The following BTNL8 variants were observed in gnomAD, a reference collection of about 807,000 sequenced individuals.
The protein encoded by BTNL8 is butyrophilin like 8, also known as butyrophilin-like protein 8.
Under a neutral mutation model 36.1 loss-of-function variants are expected in BTNL8, and 22 were observed. The ratio of observed to expected loss-of-function variants is 0.61; its 90% CI spans 0.44 to 0.87. The LOEUF (loss-of-function observed/expected upper bound fraction) is 0.87. Among genes scored for constraint, BTNL8 ranks in the 40% least tolerant of loss-of-function variants. BTNL8 has a pLI of 0.00. For missense variants in BTNL8, 526 were observed against 616.9 expected (o/e 0.85, Z 1.56); for synonymous variants, 203 against 235.6 (o/e 0.86, Z 1.27).
chr5:180,931,203 A>T (rs1478762491), intron 3 of BTNL8, among the ~76,000 whole-genome samples: 1 of 152,232 alleles, frequency 6.6e-6, no homozygotes, highest in Non-Finnish European at 1.5e-5. Context: ...AAAATAAGCA[A>T]TGGGGGAAGG....
chr5:180,914,217 G>A (rs184972142), intron 3 of BTNL8, among the ~76,000 whole-genome samples: 1 of 152,138 alleles, frequency 6.6e-6, no homozygotes, highest in South Asian at 2.1e-4. Context: ...CCTTATAAAA[G>A]GATTTAAGGG....
intron 3 of BTNL8, among the ~76,000 whole-genome samples, chr5:180,932,896 T>C (rs937057625): frequency 2.0e-5 from 3 of 152,154 alleles, no homozygotes; most frequent in Non-Finnish European, 4.4e-5. Context: ...TGAATGTATT[T>C]TTAAAATCAA....
intron 3 of BTNL8, among the ~76,000 whole-genome samples, chr5:180,943,248 C>A (rs1305047191): frequency 6.7e-6 from 1 of 149,852 alleles, no homozygotes; most frequent in Non-Finnish European, 1.5e-5. Context: ...GATTCTCCTG[C>A]CTCAGCCTCC....
At chr5:180,932,668 A>T (rs1451454590) in intron 3 of BTNL8, among the ~76,000 whole-genome samples, 1 of 152,214 alleles carries the variant, frequency 6.6e-6, no homozygotes, top group African/African-American at 2.4e-5. Context: ...TATAATTTTT[A>T]AAAAGCCACA....
chr5:180,901,304 A>G, intron 1 of BTNL8, among the ~76,000 whole-genome samples: 1 of 152,222 alleles, frequency 6.6e-6, no homozygotes, highest in Admixed American at 6.5e-5. Context: ...CAGCACACAC[A>G]GGTATATCCA....
chr5:180,945,618 A>G (rs1344946436), intron 3 of BTNL8: 1 of 238,226 alleles, frequency 4.2e-6, no homozygotes, highest in Non-Finnish European at 9.0e-6. Flanking sequence ...CAATAGAAAG[A>G]AAACAAATAA....
In BTNL8 at chr5:180,911,426, G is replaced by C. The variant is rs146970792; in HGVS notation, c.485G>C (p.Arg162Pro). 1 of 1,614,154 alleles carries C rather than the reference G, an allele frequency of 6.2e-7. No individual in the cohort carries two copies. The highest frequency in any genetic ancestry group is 1.7e-5 in the Admixed American group (1 of 60,014). Reference sequence around the variant, plus strand: ...TGTCAGTCCTCGGGCTGGTTCCCCCGGCCCACAGCGAAGTGGAAAGGTCCA... The same window carrying C: ...TGTCAGTCCTCGGGCTGGTTCCCCCCGCCCACAGCGAAGTGGAAAGGTCCA... ...LLCQSSGWFPRPTAKWKGPQG... is the reference protein window; with the variant it reads ...LLCQSSGWFPPPTAKWKGPQG... Residue 162 changes from arginine (R) to proline (P), a missense_variant, in exon 3 of 8, where the codon CGG becomes CCG. Around this residue, in one of 2 missense-constraint regions of BTNL8, gnomAD observed 350 missense variants for 324.6 expected, o/e 1.08. Coordinates refer to ENST00000340184, the MANE Select transcript of BTNL8 (RefSeq NM_001040462.3).
At chr5:180,910,851 C>G (rs1757352461) in intron 2 of BTNL8, among the ~76,000 whole-genome samples, 1 of 152,196 alleles carries the variant, frequency 6.6e-6, no homozygotes. Flanking sequence ...AGCACTCCAT[C>G]ACTAGTGAGT....
chr5:180,941,789 T>G (rs1045926824), intron 3 of BTNL8, among the ~76,000 whole-genome samples: 1 of 151,902 alleles, frequency 6.6e-6, no homozygotes, highest in African/African-American at 2.4e-5. Context: ...GTAGAAGAAA[T>G]GTACCTCAAC....
Position 180,911,446 on chromosome 5 carries a change from G to C in BTNL8, c.505G>C (p.Gly169Arg). 6.2e-7 allele frequency: 1 copy of C among 1,614,194 alleles called. No individual in the cohort carries two copies. The highest frequency in any genetic ancestry group is 8.5e-7 in the Non-Finnish European group (1 of 1,180,038). ...CCCCCGGCCCACAGCGAAGTGGAAAGGTCCACAAGGACAGGATTTGTCCAC... is the reference window on the plus strand; with the variant it reads ...CCCCCGGCCCACAGCGAAGTGGAAACGTCCACAAGGACAGGATTTGTCCAC... ...WFPRPTAKWK[G>R]PQGQDLSTDS... The change falls in exon 3 of 8, where the codon GGT (glycine) becomes CGT (arginine). Residue 169 changes from glycine (G) to arginine (R), a missense_variant. Physicochemically the swap from Gly to Arg is moderately radical, Grantham distance 125. Transcript: ENST00000340184.
chr5:180,930,494 C>T (rs548588188), intron 3 of BTNL8, among the ~76,000 whole-genome samples: 1 of 152,238 alleles, frequency 6.6e-6, no homozygotes, highest in East Asian at 1.9e-4. Context: ...AAAGGGTATT[C>T]AAATAGGAAG....
intron 4 of BTNL8, 167 bp downstream of exon 4, chr5:180,947,792 C>A (rs1164312862): frequency 6.2e-7 from 1 of 1,600,226 alleles, no homozygotes; most frequent in Non-Finnish European, 8.5e-7. Context: ...AACATCTCTT[C>A]CTCTGGAAAT....
chr5:180,901,048 G>A (rs973018914), intron 1 of BTNL8, among the ~76,000 whole-genome samples: 2 of 152,194 alleles, frequency 1.3e-5, no homozygotes, highest in African/African-American at 4.8e-5. Context: ...ACTGCAGGGG[G>A]ACTCAGGGTT....
At chr5:180,924,263 C>T (rs1757996543) in intron 3 of BTNL8, among the ~76,000 whole-genome samples, 1 of 152,226 alleles carries the variant, frequency 6.6e-6, no homozygotes, top group Non-Finnish European at 1.5e-5. Flanking sequence ...CTCAACCCAC[C>T]ATTGGTGTTC....
intron 3 of BTNL8, among the ~76,000 whole-genome samples, chr5:180,928,388 T>C (rs1422205225): frequency 6.7e-6 from 1 of 149,514 alleles, no homozygotes. Context: ...ACACACCAAG[T>C]TGTAGAAACT....
chr5:180,911,514 G>A lies in BTNL8; in HGVS notation c.573G>A (p.Val191=). ...TNRDMHGLFD[V]EISLTVQENA... ...GAGACATGCATGGCCTGTTTGATGTGGAGATCTCTCTGACCGTCCAAGAGA... is the reference window on the plus strand; with the variant it reads ...GAGACATGCATGGCCTGTTTGATGTAGAGATCTCTCTGACCGTCCAAGAGA... The change falls in exon 3 of 8, where the codon GTG becomes GTA. Residue 191 remains valine, a synonymous_variant. Transcript: ENST00000340184. The A allele has an allele frequency of 6.2e-7, 1 of 1,614,152 alleles. No individual in the cohort carries two copies. Among genetic ancestry groups the A allele is most frequent in the Non-Finnish European group, 8.5e-7 (1 of 1,180,030 alleles).
At chr5:180,907,252 T>G (rs185799580) in intron 1 of BTNL8, among the ~76,000 whole-genome samples, 1 of 123,474 alleles carries the variant, frequency 8.1e-6, no homozygotes, top group East Asian at 2.2e-4. Context: ...AGACTTCCCT[T>G]CTTGCTTCAT....
chr5:180,901,227 T>C (rs1756811754), intron 1 of BTNL8, among the ~76,000 whole-genome samples: 1 of 152,198 alleles, frequency 6.6e-6, no homozygotes, highest in Admixed American at 6.5e-5. Flanking sequence ...AGTGCTAAAA[T>C]GAAAAAGTAT....
At chr5:180,908,420 T>A (rs1582012675) in intron 1 of BTNL8, among the ~76,000 whole-genome samples, 166 bp from the exon 2 acceptor site, 1 of 152,192 alleles carries the variant, frequency 6.6e-6, no homozygotes, top group African/African-American at 2.4e-5. Context: ...TGGCACTCCC[T>A]AGTGAGATGA....
Sources: gnomAD v4.1 joint callset for allele counts (sites outside exome capture counted in the v4.1 genomes callset) on GRCh38, gnomAD v4.1.1 for gene constraint, gnomAD v4.1.1 regional missense constraint, MANE v1.5 for transcripts, NCBI Gene and HGNC (gene_info 2026-07-23, HGNC 2026-07-21) for gene names.